Variants in CATSPERD observed in about 807,000 individuals in gnomAD.
CATSPERD encodes catsper channel auxiliary subunit delta, also known as cation channel sperm-associated auxiliary subunit delta.
Under a neutral mutation model 98.1 loss-of-function variants are expected in CATSPERD, and 86 were observed. The ratio of observed to expected loss-of-function variants is 0.88; its 90% CI spans 0.74 to 1.05. The LOEUF (loss-of-function observed/expected upper bound fraction) is 1.05. Among genes scored for constraint, CATSPERD ranks in the 50% least tolerant of loss-of-function variants. The probability of loss-of-function intolerance (pLI) is 0.00; values close to 1 mark genes in which losing one functional copy is unlikely to be tolerated. For synonymous variants in CATSPERD, 394 were observed against 390.2 expected (o/e 1.01, Z -0.12); for missense variants, 995 against 1,005.7 (o/e 0.99, Z 0.14).
intron 11 of CATSPERD, among the ~76,000 whole-genome samples, chr19:5,749,833 TCA>T (rs1394621050): frequency 3.4e-5 from 5 of 148,010 alleles, no homozygotes; most frequent in Non-Finnish European, 7.4e-5. Flanking sequence ...AGATGGAGTC[TCA>T]CTCTGTCGCC....
intron 14 of CATSPERD, among the ~76,000 whole-genome samples, 189 bp downstream of exon 14, chr19:5,758,121 C>G (rs1256546805): frequency 6.6e-6 from 1 of 152,078 alleles, no homozygotes; most frequent in Non-Finnish European, 1.5e-5. Flanking sequence ...ACGGGAGAGA[C>G]CCGGATGGCA....
intron 20 of CATSPERD, among the ~76,000 whole-genome samples, chr19:5,773,168 A>G (rs2056682014): frequency 6.6e-6 from 1 of 152,136 alleles, no homozygotes; most frequent in Non-Finnish European, 1.5e-5. Context: ...CCTGGCTAAC[A>G]TGGCAAAAGC....
At chr19:5,729,199 G>A (rs1282948195) in intron 3 of CATSPERD, among the ~76,000 whole-genome samples, 1 of 150,806 alleles carries the variant, frequency 6.6e-6, no homozygotes, top group Non-Finnish European at 1.5e-5. Context: ...AGGTTCAGGC[G>A]ATTCTCCTGC....
At chr19:5,735,295 G>A (rs1311278835) in intron 5 of CATSPERD, among the ~76,000 whole-genome samples, 2 of 151,350 alleles carry the variant, frequency 1.3e-5, no homozygotes, top group African/African-American at 2.4e-5. Flanking sequence ...CCGCCACCAC[G>A]CCTGGCTAAT....
Position 5,720,741 on chromosome 19 carries a change from C to A in CATSPERD, c.4C>A (p.Leu2Met). The A allele has an allele frequency of 6.2e-7, 1 of 1,606,846 alleles. No individual in the cohort carries two copies. Among genetic ancestry groups the A allele is most frequent in the African/African-American group, 1.3e-5 (1 of 75,034 alleles). M[L>M]MLMLVAAVTM... ...GTGGCGGCGGAAGCCCAAGTCGATG[C>A]TGATGTTGATGCTGGTGGCGGCTGT... Residue 2 changes from leucine (L) to methionine (M), a missense_variant, in exon 1 of 22, where the codon CTG (leucine) becomes ATG (methionine). Transcript: ENST00000381624.
At chr19:5,730,978 G>C (rs1239967387) in intron 4 of CATSPERD, among the ~76,000 whole-genome samples, 2 of 151,868 alleles carry the variant, frequency 1.3e-5, no homozygotes, top group Non-Finnish European at 2.9e-5. Flanking sequence ...TCCAACCCCA[G>C]CTATTCGGGA....
At chr19:5,736,757 A>C (rs2055854478) in intron 5 of CATSPERD, among the ~76,000 whole-genome samples, 1 of 148,046 alleles carries the variant, frequency 6.8e-6, no homozygotes, top group Admixed American at 6.8e-5. Flanking sequence ...ATAAATAAGT[A>C]AATAAATAAA....
In CATSPERD at chr19:5,770,088, C is replaced by CA. The variant is rs760375391; in HGVS notation, c.1635-839dup. Among the ~76,000 whole-genome samples the CA allele has an allele frequency of 7.8e-3, 526 of 67,036 alleles. 1 individual carries two copies. The highest frequency in any genetic ancestry group is 0.021 in the African/African-American group (373 of 18,162). The allele number at this position is 67,036 out of a possible 152,430, so 44.0% of individuals were successfully genotyped here. A position where few individuals can be genotyped will look rare whatever the true frequency, so the allele number is the denominator to read the frequency against. ...TGGGCAACAGAGCGAGACTCTGTCTCAAAAAAAAAAAAAAAAAGTAATTAC... is the reference window on the plus strand; with the variant it reads ...TGGGCAACAGAGCGAGACTCTGTCTCAAAAAAAAAAAAAAAAAAGTAATTAC... On this transcript the variant is annotated intron_variant, in intron 18 of 21. Transcript: ENST00000381624.
At chr19:5,757,749 TCA>T in intron 13 of CATSPERD, 92 bp from the exon 14 acceptor site, 3 of 890,258 alleles carry the variant, frequency 3.4e-6, no homozygotes, top group Admixed American at 2.3e-5. Context: ...CCCTGATTTT[TCA>T]TTTGAAGGTG....
At chr19:5,725,228 C>T (rs1164286107) in intron 2 of CATSPERD, among the ~76,000 whole-genome samples, 2 of 152,082 alleles carry the variant, frequency 1.3e-5, no homozygotes, top group African/African-American at 2.4e-5. Context: ...CTCGGCTCAC[C>T]GCAACCTCTG....
chr19:5,740,535 C>T (rs974638494), intron 7 of CATSPERD, among the ~76,000 whole-genome samples: 5 of 151,248 alleles, frequency 3.3e-5, no homozygotes, highest in South Asian at 2.1e-4. Context: ...TGCAGTGAGC[C>T]GAGATCGCAC....
intron 11 of CATSPERD, 57 bp downstream of exon 11, chr19:5,749,240 C>T (rs866580694): frequency 1.5e-6 from 2 of 1,322,858 alleles, no homozygotes; most frequent in Middle Eastern, 4.1e-4. Flanking sequence ...GCCTGTCATC[C>T]CAGCACTTTG....
chr19:5,731,534 A>G (rs1438262435), intron 4 of CATSPERD, among the ~76,000 whole-genome samples: 1 of 110,420 alleles, frequency 9.1e-6, no homozygotes, highest in Non-Finnish European at 1.9e-5. Context: ...AAATACCAAT[A>G]TTTCTCCTAA....
chr19:5,726,410 A>G (rs750673496), intron 2 of CATSPERD, among the ~76,000 whole-genome samples: 1 of 151,824 alleles, frequency 6.6e-6, no homozygotes, highest in East Asian at 1.9e-4. Context: ...GGGACAGTGT[A>G]TCTCTTTATT....
chr19:5,747,600 TTTTTC>T (rs1207644675), intron 9 of CATSPERD, among the ~76,000 whole-genome samples: 8 of 143,114 alleles, frequency 5.6e-5, no homozygotes, highest in Non-Finnish European at 1.0e-4. Context: ...CTGGTTTTCT[TTTTTC>T]TTTTCTTTTT....
chr19:5,744,606 TTTAA>T (rs1329113692), intron 8 of CATSPERD, 96 bp downstream of exon 8: 4 of 817,140 alleles, frequency 4.9e-6, no homozygotes, highest in Non-Finnish European at 5.5e-6. Flanking sequence ...TATTTATTTA[TTTAA>T]TTTTTTTTTA....
At chr19:5,731,841 C>A (rs2055731937) in intron 4 of CATSPERD, among the ~76,000 whole-genome samples, 1 of 152,110 alleles carries the variant, frequency 6.6e-6, no homozygotes, top group South Asian at 2.1e-4. Flanking sequence ...TCCCAAAGAG[C>A]TGGGATTACA....
chr19:5,739,270 G>A, intron 6 of CATSPERD, 56 bp from the exon 7 acceptor site: 2 of 967,340 alleles, frequency 2.1e-6, no homozygotes, highest in Non-Finnish European at 3.2e-6. Flanking sequence ...TAAACGTTCA[G>A]GAACGTACTT....
chr19:5,744,854 G>A (rs905108869), intron 8 of CATSPERD, among the ~76,000 whole-genome samples: 15 of 151,324 alleles, frequency 9.9e-5, no homozygotes, highest in Non-Finnish European at 1.3e-4. Context: ...ACCCACCTTG[G>A]CCTCCCAAAG....
Sources: allele counts gnomAD v4.1 joint callset (sites outside exome capture counted in the v4.1 genomes callset), GRCh38; gene constraint gnomAD v4.1.1; transcripts MANE v1.5; gene names NCBI Gene and HGNC (gene_info 2026-07-23, HGNC 2026-07-21).